The following EVX1 variants were observed in gnomAD, a reference collection of about 807,000 sequenced individuals.
The protein encoded by EVX1 is even-skipped homeobox 1, also known as homeobox even-skipped homolog protein 1.
A neutral mutation model predicts 28.6 loss-of-function variants in EVX1; 19 were observed. The ratio of observed to expected loss-of-function variants is 0.67; its 90% CI spans 0.46 to 0.98. EVX1 has a LOEUF of 0.98. EVX1 is among the 50% of genes least tolerant of loss of function. EVX1 has a pLI of 0.00. For synonymous variants in EVX1, 324 were observed against 278.2 expected (o/e 1.16, Z -1.64); for missense variants, 660 against 583.0 (o/e 1.13, Z -1.36).
chr7:27,245,042 G>A lies in EVX1; in HGVS notation c.428-6G>A. 6.2e-7 allele frequency: 1 copy of A among 1,608,028 alleles called. No homozygotes were observed. The highest frequency in any genetic ancestry group is 8.5e-7 in the Non-Finnish European group (1 of 1,179,296). On this transcript the variant is annotated splice_polypyrimidine_tract_variant and splice_region_variant and intron_variant, in intron 1 of 2. Transcript: ENST00000496902. ...TACACGCCTGTGCTCTGGACTCGCT[G>A]TGCAGGGTCCGGCTCCGAGGCGCTG...
rs1583463404 is a variant in EVX1, at chr7:27,243,004, TC to T, written c.-23del. The T allele has an allele frequency of 3.9e-6, 6 of 1,522,422 alleles. No individual in the cohort carries two copies. Among genetic ancestry groups the T allele is most frequent in the Admixed American group, 2.1e-5 (1 of 48,328 alleles). 94.3% of individuals were successfully genotyped at this position (1,522,422 alleles called of 1,614,324 possible). On this transcript the variant is annotated 5_prime_UTR_variant, in exon 1 of 3. Coordinates refer to ENST00000496902, the MANE Select transcript of EVX1 (RefSeq NM_001989.5). ...GGGGTTAGGAACTCACTTGGGGCTT[TC>T]CCCTCCCCCACCGGAGAGCCCCGGG...
rs1414414142 is a variant in EVX1, at chr7:27,243,093, C to G, written c.63C>G (p.Gly21=). The change falls in exon 1 of 3, where the codon GGC becomes GGG. Residue 21 remains glycine (G), a synonymous_variant. Transcript: ENST00000496902. The part of the protein sequence containing the change: ...LDGGQLGTLV[G]KRVSNLSEAV... ...GGGGTCAGCTTGGCACTCTGGTTGG[C>G]AAGAGAGTCTCAAATTTGTCCGAAG... 1 of 1,612,326 alleles carries G rather than the reference C, an allele frequency of 6.2e-7. No homozygotes were observed. The highest frequency in any genetic ancestry group is 8.5e-7 in the Non-Finnish European group (1 of 1,179,330).
chr7:27,245,843 G>A, intron 2 of EVX1, 43 bp from the exon 3 acceptor site: 2 of 1,588,214 alleles, frequency 1.3e-6, no homozygotes, highest in Non-Finnish European at 1.7e-6. Flanking sequence ...TCTGAGCATC[G>A]GGCCAAGTCC....
chr7:27,243,204 G>A lies in EVX1; in HGVS notation c.174G>A (p.Arg58=). 1 of 1,557,036 alleles carries A rather than the reference G, an allele frequency of 6.4e-7. No homozygotes were observed. Among genetic ancestry groups the A allele is most frequent in the Non-Finnish European group, 8.7e-7 (1 of 1,150,894 alleles). The part of the protein sequence containing the change: ...LSPRAVPPAT[R]ERGGGGPEEE... ...CTCGGGCCGTCCCTCCGGCCACCCG[G>A]GAGCGCGGCGGGGGAGGCCCGGAGG... The change falls in exon 1 of 3, where the codon CGG becomes CGA. Residue 58 remains arginine, a synonymous_variant. Transcript: ENST00000496902.
At position 27,246,053 on chromosome 7, in the gene EVX1, G is replaced by T; in HGVS notation, c.852G>T (p.Pro284=). The T allele has an allele frequency of 1.3e-6, 2 of 1,587,860 alleles. No individual in the cohort carries two copies. Among genetic ancestry groups the T allele is most frequent in the Non-Finnish European group, 8.5e-7 (1 of 1,175,322 alleles). ...ACCTGCCCCTGCCCTACTACTCGCC[G>T]GTGGGCCTGGGCGCCGCATCCGCCG... The part of the protein sequence containing the change: ...PSHLPLPYYS[P]VGLGAASAAS... Residue 284 remains proline, a synonymous_variant, in exon 3 of 3, where the codon CCG becomes CCT. Coordinates refer to ENST00000496902, the MANE Select transcript of EVX1 (RefSeq NM_001989.5).
In EVX1 at chr7:27,245,748, G is replaced by A. The variant is rs373166393; in HGVS notation, c.685-138G>A. 12 of 1,161,894 alleles carry A rather than the reference G, an allele frequency of 1.0e-5. No homozygotes were observed. The East Asian group carries it at 1.0e-4, about 10-fold the overall frequency. The allele number at this position is 1,161,894 out of a possible 1,614,324, so 72.0% of individuals were successfully genotyped here. A position where few individuals can be genotyped will look rare whatever the true frequency, so the allele number is the denominator to read the frequency against. On this transcript the variant is annotated intron_variant, in intron 2 of 2. Transcript: ENST00000496902. ...ATTCCAGCTCCAGGTGGTGGTGGTG[G>A]GGTCGGTCTCTACCCGGCTGGTGTC...
chr7:27,245,858 A>C, intron 2 of EVX1, 28 bp from the exon 3 acceptor site: 1 of 1,601,550 alleles, frequency 6.2e-7, no homozygotes, highest in South Asian at 1.1e-5. Context: ...AAGTCCAGCT[A>C]CTGAACCTGC....
At position 27,245,216 on chromosome 7, in the gene EVX1, A is replaced by G; in HGVS notation, c.596A>G (p.Glu199Gly). 6.2e-7 allele frequency: 1 copy of G among 1,613,660 alleles called. No individual in the cohort carries two copies. Among genetic ancestry groups the G allele is most frequent in the East Asian group, 2.2e-5 (1 of 44,884 alleles). The change falls in exon 2 of 3, where the codon GAG (glutamate) becomes GGG (glycine). Residue 199 changes from glutamate (E) to glycine (G), a missense_variant. Physicochemically the swap from Glu to Gly is moderately conservative, Grantham distance 98. Coordinates refer to ENST00000496902, the MANE Select transcript of EVX1 (RefSeq NM_001989.5). ...AFTREQIARL[E>G]KEFYRENYVS... ...ACCCGAGAGCAGATTGCGCGGCTGG[A>G]GAAGGAATTCTACCGGGAGAACTAC...
intron 1 of EVX1, chr7:27,244,666 C>A: frequency 2.9e-6 from 1 of 349,866 alleles, no homozygotes; most frequent in Non-Finnish European, 4.7e-6. Flanking sequence ...ATGCACTTGA[C>A]CCAGAGTTTA....
intron 1 of EVX1, chr7:27,244,417 G>T (rs990966751): frequency 1.1e-6 from 1 of 892,212 alleles, no homozygotes; most frequent in African/African-American, 1.8e-5. Flanking sequence ...CCAACGCCTT[G>T]TTGAATACCT....
intron 1 of EVX1, chr7:27,244,628 A>T (rs1027615376): frequency 1.6e-5 from 6 of 382,158 alleles, no homozygotes; most frequent in African/African-American, 2.2e-5. Flanking sequence ...AAGAGCAAGG[A>T]AACTCTCTGA....
rs1455652128 is a variant in EVX1 at position 27,247,111 on chromosome 7, C to A, written c.*686C>A. The A allele has an allele frequency of 6.6e-6, 1 of 152,314 alleles. No individual in the cohort carries two copies. Among genetic ancestry groups the A allele is most frequent in the Non-Finnish European group, 1.5e-5 (1 of 68,100 alleles). 9.4% of individuals were successfully genotyped at this position (152,314 alleles called of 1,614,324 possible). On this transcript the variant is annotated 3_prime_UTR_variant, in exon 3 of 3. Transcript: ENST00000496902. Reference sequence around the variant, plus strand: ...TTTCCTCATTCCCAGCTTTGTGACACTTCTCAACTTGCGGCTCCATCTCTC... The same window carrying A: ...TTTCCTCATTCCCAGCTTTGTGACAATTCTCAACTTGCGGCTCCATCTCTC...
chr7:27,242,956 G>C lies in EVX1; in HGVS notation c.-75G>C. 7.2e-7 allele frequency: 1 copy of C among 1,394,070 alleles called. No individual in the cohort carries two copies. Among genetic ancestry groups the C allele is most frequent in the Non-Finnish European group, 9.4e-7 (1 of 1,059,818 alleles). 86.4% of individuals were successfully genotyped at this position (1,394,070 alleles called of 1,614,324 possible). A position where few individuals can be genotyped will look rare whatever the true frequency, so the allele number is the denominator to read the frequency against. On this transcript the variant is annotated 5_prime_UTR_variant, in exon 1 of 3. Coordinates refer to ENST00000496902, the MANE Select transcript of EVX1 (RefSeq NM_001989.5). ...TCCCTCTTGCAACCAAGATCCGTCC[G>C]GCCGCTGGAGACCCAGGGAGCCGGG...
rs1337815616 is a variant in EVX1, at chr7:27,246,437, C to T, written c.*12C>T. ...CCCTCACTAGATAAGGGGCCGCCGG[C>T]TGGCTGCCGGCTCCATGACGCCCGT... On this transcript the variant is annotated 3_prime_UTR_variant, in exon 3 of 3. Coordinates refer to ENST00000496902, the MANE Select transcript of EVX1 (RefSeq NM_001989.5). 6.3e-7 allele frequency: 1 copy of T among 1,586,882 alleles called. No individual in the cohort carries two copies. Among genetic ancestry groups the T allele is most frequent in the Non-Finnish European group, 8.5e-7 (1 of 1,173,756 alleles).
rs1255910209 is a variant in EVX1, at chr7:27,245,974, A to T, written c.773A>T (p.Tyr258Phe). The change falls in exon 3 of 3, where the codon TAC (tyrosine) becomes TTC (phenylalanine). Residue 258 changes from tyrosine (Y) to phenylalanine (F), a missense_variant. Physicochemically the swap from Tyr to Phe is conservative, Grantham distance 22 (BLOSUM62 3). Around this residue, in one of 3 missense-constraint regions of EVX1, gnomAD observed 299 missense variants for 241.3 expected, o/e 1.24. Coordinates refer to ENST00000496902, the MANE Select transcript of EVX1 (RefSeq NM_001989.5). ...CCGGCGGACCCCGCCTTCTACACTT[A>T]CATGATGAGCCATGCGGCGGCCGCG... ...PHPADPAFYTYMMSHAAAAGG... is the reference protein window; with the variant it reads ...PHPADPAFYTFMMSHAAAAGG... 6.2e-7 allele frequency: 1 copy of T among 1,606,924 alleles called. No homozygotes were observed. Among genetic ancestry groups the T allele is most frequent in the Non-Finnish European group, 8.5e-7 (1 of 1,179,802 alleles).
chr7:27,247,593 A>T lies in EVX1; in HGVS notation c.*1168A>T, dbSNP rs1469123755. 6.6e-6 allele frequency: 1 copy of T among 152,126 alleles called. No individual in the cohort carries two copies. Among genetic ancestry groups the T allele is most frequent in the Non-Finnish European group, 1.5e-5 (1 of 68,018 alleles). The allele number at this position is 152,126 out of a possible 1,614,324, so 9.4% of individuals were successfully genotyped here. A position where few individuals can be genotyped will look rare whatever the true frequency, so the allele number is the denominator to read the frequency against. ...GGGGACCCTGTCTGTGGCCTCCACC[A>T]GGGTTTGTTTAGAGCCACTCCCAAA... is the stretch of plus-strand genomic sequence containing the variant. On this transcript the variant is annotated 3_prime_UTR_variant, in exon 3 of 3. Transcript: ENST00000496902.
In EVX1 at chr7:27,246,618, G is replaced by A. The variant is rs566387545; in HGVS notation, c.*193G>A. 5.4e-5 allele frequency: 34 copies of A among 628,484 alleles called. No homozygotes were observed. Among genetic ancestry groups the A allele is most frequent in the African/African-American group, 4.5e-4 (23 of 51,496 alleles). 38.9% of individuals were successfully genotyped at this position (628,484 alleles called of 1,614,324 possible). ...CCTAGGAAGTGGCGGTGGCTGGCGCGTTTGGGGAGCAGGAGTGGGGATAGG... is the reference window on the plus strand; with the variant it reads ...CCTAGGAAGTGGCGGTGGCTGGCGCATTTGGGGAGCAGGAGTGGGGATAGG... On this transcript the variant is annotated 3_prime_UTR_variant, in exon 3 of 3. Coordinates refer to ENST00000496902, the MANE Select transcript of EVX1 (RefSeq NM_001989.5).
Position 27,243,099 on chromosome 7 carries a change from A to C in EVX1, c.69A>C (p.Arg23Ser). The C allele has an allele frequency of 6.2e-7, 1 of 1,612,372 alleles. No homozygotes were observed. Among genetic ancestry groups the C allele is most frequent in the Non-Finnish European group, 8.5e-7 (1 of 1,179,362 alleles). Residue 23 changes from arginine (R) to serine (S), a missense_variant, in exon 1 of 3, where the codon AGA becomes AGC. By Grantham distance (110) the Arg-to-Ser change is moderately radical. This residue lies in a region of EVX1 where 308 missense variants were observed against 256.6 expected (regional missense o/e 1.20). Coordinates refer to ENST00000496902, the MANE Select transcript of EVX1 (RefSeq NM_001989.5). ...GGQLGTLVGKRVSNLSEAVGS... is the reference protein window; with the variant it reads ...GGQLGTLVGKSVSNLSEAVGS... Reference sequence around the variant, plus strand: ...AGCTTGGCACTCTGGTTGGCAAGAGAGTCTCAAATTTGTCCGAAGCCGTGG... The same window carrying C: ...AGCTTGGCACTCTGGTTGGCAAGAGCGTCTCAAATTTGTCCGAAGCCGTGG...
At chr7:27,244,911 T>C in intron 1 of EVX1, 137 bp from the exon 2 acceptor site, 3 of 1,362,000 alleles carry the variant, frequency 2.2e-6, no homozygotes, top group South Asian at 2.8e-5. Context: ...CGCAGTACCC[T>C]AGCAGAAACA....
Sources: allele counts gnomAD v4.1 joint callset, GRCh38; gene constraint gnomAD v4.1.1; regional missense constraint gnomAD v4.1.1; transcripts MANE v1.5; gene names NCBI Gene and HGNC (gene_info 2026-07-23, HGNC 2026-07-21).